The following MSANTD2 variants were observed in gnomAD, a reference collection of about 807,000 sequenced individuals.
MSANTD2 encodes the protein Myb/SANT DNA binding domain containing 2, also known as myb/SANT-like DNA-binding domain-containing protein 2.
In MSANTD2, 19 loss-of-function variants were observed where a neutral mutation model predicts 52.6. The observed-to-expected ratio is 0.36, with a 90% CI of 0.25 to 0.53. MSANTD2 has a LOEUF of 0.53. Ranked by LOEUF, MSANTD2 falls within the 20% of genes least tolerant of loss-of-function variation. The probability of loss-of-function intolerance (pLI) is 0.91; values close to 1 mark genes in which losing one functional copy is unlikely to be tolerated. For missense variants in MSANTD2, 558 were observed against 716.3 expected (o/e 0.78, Z 2.52); for synonymous variants, 291 against 289.7 (o/e 1.00, Z -0.04).
At chr11:124,787,976 G>A (rs747044095) in intron 1 of MSANTD2, among the ~76,000 whole-genome samples, 3 of 151,482 alleles carry the variant, frequency 2.0e-5, no homozygotes, top group Non-Finnish European at 2.9e-5. Context: ...ATGCCTGTAG[G>A]CCCAGCTACC....
At chr11:124,772,628 G>A (rs939184360) in intron 3 of MSANTD2, among the ~76,000 whole-genome samples, 6 of 151,578 alleles carry the variant, frequency 4.0e-5, no homozygotes, top group East Asian at 1.9e-4. Flanking sequence ...TCCCAGCTAC[G>A]CTGGAGGCTG....
At chr11:124,777,180 A>T (rs1372654908) in intron 1 of MSANTD2, among the ~76,000 whole-genome samples, 1 of 151,262 alleles carries the variant, frequency 6.6e-6, no homozygotes, top group Non-Finnish European at 1.5e-5. Context: ...CACCCCAACC[A>T]CTCTTTTCAA....
At position 124,767,519 on chromosome 11, in the gene MSANTD2, G is replaced by C; in HGVS notation, c.1337C>G (p.Pro446Arg). ...CAGGTCAACCCGGCCCTCTTTTCCT[G>C]GGTCCAGGGAACTTTGCTCCATGTG... The part of the protein sequence containing the change: ...SPHMEQSSLD[P>R]GKEGRVDLET... Residue 446 changes from proline to arginine, a missense_variant, in exon 4 of 4, where the codon CCA becomes CGA. Pro to Arg is a moderately radical substitution (Grantham distance 103). Coordinates refer to ENST00000374979, the MANE Select transcript of MSANTD2 (RefSeq NM_001308027.2). The surrounding 1 kb of genome is among the most constrained non-coding windows in gnomAD (Gnocchi z 6.5). 1 of 1,614,142 alleles carries C rather than the reference G, an allele frequency of 6.2e-7. No individual in the cohort carries two copies. Among genetic ancestry groups the C allele is most frequent in the South Asian group, 1.1e-5 (1 of 91,084 alleles).
intron 1 of MSANTD2, among the ~76,000 whole-genome samples, chr11:124,788,250 A>G (rs1291592278): frequency 1.3e-5 from 2 of 152,280 alleles, no homozygotes; most frequent in South Asian, 2.1e-4. Context: ...GTTTACAAGA[A>G]GCAGAAGACA....
At chr11:124,771,113 C>A (rs534384668) in intron 3 of MSANTD2, among the ~76,000 whole-genome samples, 15 of 152,106 alleles carry the variant, frequency 9.9e-5, no homozygotes, top group Non-Finnish European at 2.1e-4. Flanking sequence ...AGCGATCCAC[C>A]CACCTTGGCC....
chr11:124,785,534 C>T (rs1945130625), intron 1 of MSANTD2, among the ~76,000 whole-genome samples: 1 of 152,208 alleles, frequency 6.6e-6, no homozygotes, highest in African/African-American at 2.4e-5. Flanking sequence ...CGAATTGAGG[C>T]AAGGTTGGAC....
At chr11:124,799,786 C>G in intron 1 of MSANTD2, 85 bp downstream of exon 1, 1 of 1,041,996 alleles carries the variant, frequency 9.6e-7, no homozygotes, top group Non-Finnish European at 1.4e-6. Context: ...GAGCCCTGCC[C>G]TCAGACCGGC....
At chr11:124,770,194 G>C (rs1407053478) in intron 3 of MSANTD2, among the ~76,000 whole-genome samples, 1 of 152,190 alleles carries the variant, frequency 6.6e-6, no homozygotes, top group Non-Finnish European at 1.5e-5. Flanking sequence ...GGCCTCCCTT[G>C]AAGGTCCTGA....
In MSANTD2 at chr11:124,799,554, G is replaced by C. The variant is rs539312639; in HGVS notation, c.510+317C>G. On this transcript the variant is annotated intron_variant, in intron 1 of 3. Coordinates refer to ENST00000374979, the MANE Select transcript of MSANTD2 (RefSeq NM_001308027.2). ...AGGGGCCCCGGCGGTGGGGGCAAGA[G>C]GCGCCAGCGGCACGGGGACTGCCGC... is the stretch of plus-strand genomic sequence containing the variant. Among the ~76,000 whole-genome samples the C allele has an allele frequency of 2.0e-5, 3 of 152,288 alleles. No individual in the cohort carries two copies. In the East Asian group the frequency reaches 5.8e-4, roughly 29 times the overall value.
chr11:124,799,518 G>A (rs533567406), intron 1 of MSANTD2, among the ~76,000 whole-genome samples: 1 of 152,264 alleles, frequency 6.6e-6, no homozygotes, highest in Admixed American at 6.5e-5. Context: ...CCCTCCGCCT[G>A]GAACAAAGCG....
chr11:124,793,320 G>A (rs770758008), intron 1 of MSANTD2, among the ~76,000 whole-genome samples: 6 of 151,926 alleles, frequency 3.9e-5, no homozygotes, highest in Admixed American at 6.6e-5. Flanking sequence ...ACATTTTATC[G>A]CCAACTCTCA....
chr11:124,768,002 A>G lies in MSANTD2; in HGVS notation c.854T>C (p.Val285Ala), dbSNP rs1259544643. 1.1e-5 allele frequency: 17 copies of G among 1,609,244 alleles called. No individual in the cohort carries two copies. Among genetic ancestry groups the G allele is most frequent in the Non-Finnish European group, 1.4e-5 (16 of 1,176,324 alleles). ...CAACTGTACCGATTCCAAAATCTGT[A>G]CAATATTCTGCATGATGTCTCTCTT... ...AQKRDIMQNIVQILESVQLKW... is the reference protein window; with the variant it reads ...AQKRDIMQNIAQILESVQLKW... Residue 285 changes from valine to alanine, a missense_variant, in exon 4 of 4, where the codon GTA becomes GCA. By Grantham distance (64) the Val-to-Ala change is moderately conservative. This residue lies in a region of MSANTD2 where 408 missense variants were observed against 573.6 expected (regional missense o/e 0.71). Transcript: ENST00000374979.
At chr11:124,790,954 G>C (rs1451217435) in intron 1 of MSANTD2, 5 of 294,316 alleles carry the variant, frequency 1.7e-5, no homozygotes, top group Non-Finnish European at 2.6e-5. Context: ...AAAAAATCTT[G>C]ATCTCACTGT....
At chr11:124,791,074 A>G (rs2135266626) in intron 1 of MSANTD2, 2 of 550,252 alleles carry the variant, frequency 3.6e-6, no homozygotes, top group Middle Eastern at 5.1e-4. Context: ...TAGGAGATGA[A>G]GAGATAACGT....
intron 1 of MSANTD2, among the ~76,000 whole-genome samples, chr11:124,793,101 T>G: frequency 6.6e-6 from 1 of 152,224 alleles, no homozygotes; most frequent in Non-Finnish European, 1.5e-5. Flanking sequence ...CCTTAGGGAT[T>G]CCTGTCATTC....
At chr11:124,773,894 C>T (rs1944635423) in intron 2 of MSANTD2, among the ~76,000 whole-genome samples, 2 of 152,178 alleles carry the variant, frequency 1.3e-5, no homozygotes, top group Non-Finnish European at 2.9e-5. Flanking sequence ...AGTGAGCACT[C>T]ATTACATAAC....
At chr11:124,770,409 C>A (rs192112206) in intron 3 of MSANTD2, among the ~76,000 whole-genome samples, 8 of 152,088 alleles carry the variant, frequency 5.3e-5, no homozygotes, top group African/African-American at 1.7e-4. Context: ...AGTAACCCCC[C>A]ACCTCAGCCT....
chr11:124,784,552 C>T (rs1945096283), intron 1 of MSANTD2: 3 of 985,154 alleles, frequency 3.0e-6, no homozygotes, highest in African/African-American at 3.5e-5. Flanking sequence ...TTCCCAAATA[C>T]GAAGGTGTTT....
At chr11:124,786,767 T>C (rs1274832374) in intron 1 of MSANTD2, among the ~76,000 whole-genome samples, 1 of 152,234 alleles carries the variant, frequency 6.6e-6, no homozygotes, top group Non-Finnish European at 1.5e-5. Context: ...ACAAGAAATA[T>C]CAGCATAATG....
Sources: allele counts gnomAD v4.1 joint callset (sites outside exome capture counted in the v4.1 genomes callset), GRCh38; gene constraint gnomAD v4.1.1; regional missense constraint gnomAD v4.1.1; non-coding constraint Gnocchi (gnomAD v3.1); transcripts MANE v1.5; gene names NCBI Gene and HGNC (gene_info 2026-07-23, HGNC 2026-07-21).